Variants in ELFN1 observed in about 807,000 individuals in gnomAD.
ELFN1 encodes the protein extracellular leucine rich repeat and fibronectin type III domain containing 1.
In ELFN1, 6 loss-of-function variants were observed where a neutral mutation model predicts 7.6. The ratio of observed to expected loss-of-function variants is 0.79; its 90% CI spans 0.43 to 1.56. The LOEUF (loss-of-function observed/expected upper bound fraction) is 1.56. Ranked by LOEUF, ELFN1 falls within the 40% of genes most tolerant of loss-of-function variation. ELFN1 has a pLI of 0.01. For missense variants in ELFN1, 1,169 were observed against 1,232.2 expected (o/e 0.95, Z 0.77); for synonymous variants, 657 against 588.1 (o/e 1.12, Z -1.70).
At chr7:1,679,765 C>T (rs774066200) in intron 1 of ELFN1, among the ~76,000 whole-genome samples, 2 of 152,224 alleles carry the variant, frequency 1.3e-5, no homozygotes, top group Non-Finnish European at 2.9e-5. Context: ...TGCCCCCTGG[C>T]CACACTCCAA....
At position 1,670,480 on chromosome 7, in the gene ELFN1, C is replaced by T. The variant is rs1778743561; in HGVS notation, c.-549+126C>T. Among the ~76,000 whole-genome samples the T allele has an allele frequency of 6.6e-6, 1 of 151,652 alleles. No individual in the cohort carries two copies. The highest frequency in any genetic ancestry group is 6.6e-5 in the Admixed American group (1 of 15,256). ...GGCGTCCCCGAGTGCGCAGCGTGCGCCCCCAGCCCCTGCTGCGCCCCCAGG... is the reference window on the plus strand; with the variant it reads ...GGCGTCCCCGAGTGCGCAGCGTGCGTCCCCAGCCCCTGCTGCGCCCCCAGG... On this transcript the variant is annotated intron_variant, in intron 1 of 3. Transcript: ENST00000424383. This position sits in a 1 kb window ranked among gnomAD's most constrained non-coding sequence, Gnocchi z 6.4.
intron 2 of ELFN1, among the ~76,000 whole-genome samples, chr7:1,691,235 G>A (rs1007316676): frequency 6.6e-6 from 1 of 152,162 alleles, no homozygotes; most frequent in African/African-American, 2.4e-5. Flanking sequence ...CAGGAGCCAG[G>A]GGCCTCCGGG....
chr7:1,740,467 G>C lies in ELFN1; in HGVS notation c.-293-3837G>C, dbSNP rs1780576552. Among the ~76,000 whole-genome samples the C allele has an allele frequency of 6.6e-6, 1 of 152,236 alleles. No individual in the cohort carries two copies. Among genetic ancestry groups the C allele is most frequent in the African/African-American group, 2.4e-5 (1 of 41,468 alleles). On this transcript the variant is annotated intron_variant, in intron 3 of 3. Transcript: ENST00000424383. This position sits in a 1 kb window ranked among gnomAD's most constrained non-coding sequence, Gnocchi z 5.0. ...AATGTTGTTTAATGATCGGATCGCTGGACGTGGGGTGCAGCGGCAGGTGTG... is the reference window on the plus strand; with the variant it reads ...AATGTTGTTTAATGATCGGATCGCTCGACGTGGGGTGCAGCGGCAGGTGTG...
chr7:1,668,043 G>C (rs1778698941), upstream of ELFN1, among the ~76,000 whole-genome samples: 1 of 151,100 alleles, frequency 6.6e-6, no homozygotes, highest in Non-Finnish European at 1.5e-5. Flanking sequence ...CCCTCCCCCA[G>C]CTCCAGGTTT....
chr7:1,744,692 C>G lies in ELFN1; in HGVS notation c.96C>G (p.Ile32Met), dbSNP rs763064950. 1.3e-6 allele frequency: 2 copies of G among 1,551,410 alleles called. No individual in the cohort carries two copies. Among genetic ancestry groups the G allele is most frequent in the Non-Finnish European group, 8.7e-7 (1 of 1,146,934 alleles). Reference sequence around the variant, plus strand: ...TGGCCCGCGCAGACTGCTGGCTGATCGAGGGCGACAAGGGCTTCGTGTGGC... The same window carrying G: ...TGGCCCGCGCAGACTGCTGGCTGATGGAGGGCGACAAGGGCTTCGTGTGGC... ...GGLARADCWLIEGDKGFVWLA... is the reference protein window; with the variant it reads ...GGLARADCWLMEGDKGFVWLA... The change falls in exon 4 of 4, where the codon ATC (isoleucine) becomes ATG (methionine). Residue 32 changes from isoleucine (I) to methionine (M), a missense_variant. Physicochemically the swap from Ile to Met is conservative, Grantham distance 10. Around this residue, in one of 2 missense-constraint regions of ELFN1, gnomAD observed 255 missense variants for 359.6 expected, o/e 0.71. Coordinates refer to ENST00000424383, the MANE Select transcript of ELFN1 (RefSeq NM_001128636.4).
At chr7:1,720,744 G>A (rs1377609732) in intron 3 of ELFN1, among the ~76,000 whole-genome samples, 2 of 28,858 alleles carry the variant, frequency 6.9e-5, no homozygotes, top group East Asian at 1.2e-3. Flanking sequence ...CCCACCCCCC[G>A]CACCTAGTAC....
Position 1,746,067 on chromosome 7 carries a change from C to T in ELFN1, c.1471C>T (p.Pro491Ser). 6.5e-7 allele frequency: 1 copy of T among 1,547,052 alleles called. No individual in the cohort carries two copies. Among genetic ancestry groups the T allele is most frequent in the Non-Finnish European group, 8.7e-7 (1 of 1,145,252 alleles). ...APLSQGPLLG[P>S]EAVTRIPYLP... ...GCTGTCCCAGGGCCCGCTGCTGGGCCCCGAGGCCGTGACGCGCATCCCTTA... is the reference window on the plus strand; with the variant it reads ...GCTGTCCCAGGGCCCGCTGCTGGGCTCCGAGGCCGTGACGCGCATCCCTTA... The change falls in exon 4 of 4, where the codon CCC (proline) becomes TCC (serine). Residue 491 changes from proline to serine, a missense_variant. This residue lies in a region of ELFN1 where 914 missense variants were observed against 872.6 expected (regional missense o/e 1.05). Coordinates refer to ENST00000424383, the MANE Select transcript of ELFN1 (RefSeq NM_001128636.4).
rs1562391749 is a variant in ELFN1 at position 1,745,663 on chromosome 7, T to C, written c.1067T>C (p.Val356Ala). The stretch of plus-strand genomic sequence containing the variant: ...TTCAACAACAGCAAGGCCTCCACCG[T>C]GTCCAGGCTGACCAAGGCCCAGGAG... ...EHFNNSKAST[V>A]SRLTKAQEEI... The change falls in exon 4 of 4, where the codon GTG (valine) becomes GCG (alanine). Residue 356 changes from valine (V) to alanine (A), a missense_variant. This residue lies in a region of ELFN1 where 914 missense variants were observed against 872.6 expected (regional missense o/e 1.05). Transcript: ENST00000424383. 6.4e-7 allele frequency: 1 copy of C among 1,551,366 alleles called. No homozygotes were observed.
At chr7:1,674,063 A>G (rs1432672167) in intron 1 of ELFN1, among the ~76,000 whole-genome samples, 1 of 151,776 alleles carries the variant, frequency 6.6e-6, no homozygotes, top group Non-Finnish European at 1.5e-5. Context: ...GGCGAGGACC[A>G]CTGCTCTGCT....
At chr7:1,718,659 T>C (rs939746762) in intron 3 of ELFN1, among the ~76,000 whole-genome samples, 1 of 152,068 alleles carries the variant, frequency 6.6e-6, no homozygotes, top group Non-Finnish European at 1.5e-5. Flanking sequence ...GGATGTGCGG[T>C]CACCCCACCT....
Position 1,744,611 on chromosome 7 carries a change from G to T in ELFN1, c.15G>T (p.Gly5=). MAGR[G]WGALWVCVAA... Reference sequence around the variant, plus strand: ...GGGCGGTCCCGATGGCCGGGCGTGGGTGGGGCGCGCTGTGGGTGTGCGTGG... The same window carrying T: ...GGGCGGTCCCGATGGCCGGGCGTGGTTGGGGCGCGCTGTGGGTGTGCGTGG... Residue 5 remains glycine, a synonymous_variant, in exon 4 of 4, where the codon GGG becomes GGT. Coordinates refer to ENST00000424383, the MANE Select transcript of ELFN1 (RefSeq NM_001128636.4). 6.5e-7 allele frequency: 1 copy of T among 1,535,536 alleles called. No individual in the cohort carries two copies. The highest frequency in any genetic ancestry group is 8.8e-7 in the Non-Finnish European group (1 of 1,140,338).
chr7:1,684,921 C>T (rs995090994), intron 1 of ELFN1, among the ~76,000 whole-genome samples: 5 of 152,042 alleles, frequency 3.3e-5, no homozygotes, highest in Non-Finnish European at 5.9e-5. Context: ...TTTTTATATT[C>T]GTCTATGTAT....
chr7:1,700,148 A>C (rs1373353761), intron 2 of ELFN1, among the ~76,000 whole-genome samples: 2 of 152,104 alleles, frequency 1.3e-5, no homozygotes, highest in African/African-American at 2.4e-5. Flanking sequence ...GCTGGGTGAA[A>C]GGCCCGACAT....
intron 3 of ELFN1, among the ~76,000 whole-genome samples, chr7:1,726,374 G>A (rs563681739): frequency 2.0e-5 from 3 of 152,362 alleles, no homozygotes; most frequent in Admixed American, 6.5e-5. Context: ...TAAATGAGAA[G>A]ATCTATTTAT....
chr7:1,691,294 G>T (rs926458275), intron 2 of ELFN1, among the ~76,000 whole-genome samples: 1 of 152,196 alleles, frequency 6.6e-6, no homozygotes, highest in African/African-American at 2.4e-5. Context: ...CACCCTCGGA[G>T]GTTGATGCAG....
rs868410621 is a variant in ELFN1 at position 1,743,533 on chromosome 7, G to C, written c.-293-771G>C. ...GGTAGACGCCCTCAGAGACCATCCA[G>C]CTGGCTCATTTGGGGAAACTGAGGC... On this transcript the variant is annotated intron_variant, in intron 3 of 3. Coordinates refer to ENST00000424383, the MANE Select transcript of ELFN1 (RefSeq NM_001128636.4). Among the ~76,000 whole-genome samples, 13 of 152,196 alleles carry C rather than the reference G, an allele frequency of 8.5e-5. No individual in the cohort carries two copies. The South Asian group carries it at 2.5e-3, about 29-fold the overall frequency.
At chr7:1,669,962 C>A (rs1778730038), upstream of ELFN1, among the ~76,000 whole-genome samples, 1 of 150,802 alleles carries the variant, frequency 6.6e-6, no homozygotes, top group African/African-American at 2.4e-5. Flanking sequence ...AGGACCTCCC[C>A]TCCTTCCCCA....
chr7:1,713,022 G>C (rs749040602), intron 3 of ELFN1, among the ~76,000 whole-genome samples: 6 of 152,206 alleles, frequency 3.9e-5, no homozygotes, highest in Non-Finnish European at 8.8e-5. Flanking sequence ...CCGGAACACC[G>C]ATGCTGCATC....
At chr7:1,694,891 A>G (rs1779267630) in intron 2 of ELFN1, among the ~76,000 whole-genome samples, 1 of 152,218 alleles carries the variant, frequency 6.6e-6, no homozygotes, top group Admixed American at 6.5e-5. Context: ...TTCCAGAACC[A>G]AAGAAACTGT....
Sources: gnomAD v4.1 joint callset for allele counts (sites outside exome capture counted in the v4.1 genomes callset) on GRCh38, gnomAD v4.1.1 for gene constraint, gnomAD v4.1.1 regional missense constraint, Gnocchi (gnomAD v3.1) non-coding constraint, MANE v1.5 for transcripts, NCBI Gene and HGNC (gene_info 2026-07-23, HGNC 2026-07-21) for gene names.